The following TAFA1 variants were observed in gnomAD, a reference collection of about 807,000 sequenced individuals.
TAFA1 encodes TAFA chemokine like family member 1, also known as chemokine-like protein TAFA-1.
In TAFA1, 4 loss-of-function variants were observed where a neutral mutation model predicts 18.5. The observed-to-expected ratio is 0.22, with a 90% CI of 0.11 to 0.49. The LOEUF (loss-of-function observed/expected upper bound fraction) is 0.49. TAFA1 is among the 20% of genes least tolerant of loss of function. The probability of loss-of-function intolerance (pLI) is 0.98; values close to 1 mark genes in which losing one functional copy is unlikely to be tolerated. For synonymous variants in TAFA1, 56 were observed against 55.2 expected, an observed-to-expected ratio of 1.01 and a Z score of -0.06; for missense variants, 147 against 169.0, an observed-to-expected ratio of 0.87 and a Z score of 0.72.
At chr3:68,330,674 G>A (rs2068851394) in intron 2 of TAFA1, among the ~76,000 whole-genome samples, 1 of 152,184 alleles carries the variant, frequency 6.6e-6, no homozygotes, top group Non-Finnish European at 1.5e-5. Context: ...CACATAACTA[G>A]TAGGTGGTAG....
intron 2 of TAFA1, among the ~76,000 whole-genome samples, chr3:68,339,925 A>T (rs1350562845): frequency 3.9e-5 from 6 of 152,202 alleles, no homozygotes; most frequent in Admixed American, 3.3e-4. Context: ...AGCTCACAAA[A>T]TGCAGCTATG....
rs79651157 is a variant in TAFA1 at position 68,110,221 on chromosome 3, C to T, written c.118+103477C>T. On this transcript the variant is annotated intron_variant, in intron 2 of 4. Coordinates refer to ENST00000478136, the MANE Select transcript of TAFA1 (RefSeq NM_213609.4). ...TTCAGCTCCCACTTAAGTGACAACA[C>T]GTGGTGTTTGTTTTTCTATTCCTGT... Among the ~76,000 whole-genome samples, 999 of 152,248 alleles carry T rather than the reference C, an allele frequency of 6.6e-3. 8 individuals are homozygous for T. Among genetic ancestry groups the T allele is most frequent in the African/African-American group, 0.023 (947 of 41,542 alleles).
intron 2 of TAFA1, among the ~76,000 whole-genome samples, chr3:68,257,814 C>A (rs1448720718): frequency 2.0e-5 from 3 of 151,994 alleles, no homozygotes; most frequent in Admixed American, 2.0e-4. Context: ...AACTTGGAAG[C>A]CATTATCTTA....
chr3:68,257,795 C>G (rs1280177941), intron 2 of TAFA1, among the ~76,000 whole-genome samples: 1 of 152,094 alleles, frequency 6.6e-6, no homozygotes, highest in African/African-American at 2.4e-5. Flanking sequence ...AGTAACCTCA[C>G]AGTGGATAAA....
chr3:68,127,527 C>T (rs930759940), intron 2 of TAFA1, among the ~76,000 whole-genome samples: 44 of 79,638 alleles, frequency 5.5e-4, no homozygotes, highest in Middle Eastern at 5.9e-3. Context: ...AAACATGGCA[C>T]GGCTGCTGCT....
At position 68,368,277 on chromosome 3, in the gene TAFA1, G is replaced by C. The variant is rs78395806; in HGVS notation, c.119-49003G>C. ...AAATAAACCCAATACATTAATGTTA[G>C]ATTAATATATGTTTTCTCTGGTTAG... On this transcript the variant is annotated intron_variant, in intron 2 of 4. Coordinates refer to ENST00000478136, the MANE Select transcript of TAFA1 (RefSeq NM_213609.4). Among the ~76,000 whole-genome samples, 352 of 152,294 alleles carry C rather than the reference G, an allele frequency of 2.3e-3. 5 individuals are homozygous for C. Among genetic ancestry groups the C allele is most frequent in the African/African-American group, 8.1e-3 (337 of 41,570 alleles).
At chr3:68,141,336 T>C (rs1206947111) in intron 2 of TAFA1, among the ~76,000 whole-genome samples, 1 of 152,170 alleles carries the variant, frequency 6.6e-6, no homozygotes, top group African/African-American at 2.4e-5. Flanking sequence ...CATAATATAC[T>C]CACAGTTCCA....
intron 2 of TAFA1, among the ~76,000 whole-genome samples, chr3:68,061,141 C>G (rs545179431): frequency 6.6e-6 from 1 of 152,124 alleles, no homozygotes; most frequent in Admixed American, 6.5e-5. Flanking sequence ...GAAACTTCCC[C>G]GTGGAAAGCT....
chr3:67,994,423 A>G, the TAFA1 span, among the ~76,000 whole-genome samples: 18 of 152,300 alleles, frequency 1.2e-4, no homozygotes, highest in South Asian at 2.5e-3. Flanking sequence ...TAAATTATCT[A>G]TAGGATAATC....
At chr3:68,041,794 T>G (rs939826008) in intron 2 of TAFA1, among the ~76,000 whole-genome samples, 4 of 152,158 alleles carry the variant, frequency 2.6e-5, no homozygotes, top group Non-Finnish European at 5.9e-5. Context: ...CAGTAAAAGA[T>G]AAAATTTGGG....
At chr3:68,015,591 T>C (rs932160091) in intron 2 of TAFA1, among the ~76,000 whole-genome samples, 1 of 152,186 alleles carries the variant, frequency 6.6e-6, no homozygotes, top group African/African-American at 2.4e-5. Flanking sequence ...CCCAGCCTAA[T>C]TTTCTTCTTG....
chr3:68,387,790 C>T (rs1337694524), intron 2 of TAFA1, among the ~76,000 whole-genome samples: 2 of 152,052 alleles, frequency 1.3e-5, no homozygotes, highest in South Asian at 2.1e-4. Context: ...TGTTTTTCCC[C>T]CTTCATGGTG....
intron 2 of TAFA1, among the ~76,000 whole-genome samples, chr3:68,115,005 A>G (rs1360414430): frequency 6.6e-6 from 1 of 152,224 alleles, no homozygotes; most frequent in Non-Finnish European, 1.5e-5. Flanking sequence ...AAAATAAACA[A>G]TAACATAATT....
intron 2 of TAFA1, among the ~76,000 whole-genome samples, chr3:68,256,519 G>T (rs2067300077): frequency 6.6e-6 from 1 of 152,088 alleles, no homozygotes; most frequent in African/African-American, 2.4e-5. Context: ...GCTTGATCCA[G>T]GATGTTACTC....
chr3:68,232,214 C>G (rs997426505), intron 2 of TAFA1, among the ~76,000 whole-genome samples: 14 of 152,170 alleles, frequency 9.2e-5, no homozygotes, highest in Non-Finnish European at 8.8e-5. Context: ...CCCTATCCTC[C>G]TCTCCCTGCT....
intron 2 of TAFA1, among the ~76,000 whole-genome samples, chr3:68,163,353 A>G (rs1335295489): frequency 1.3e-5 from 2 of 152,174 alleles, no homozygotes; most frequent in Non-Finnish European, 2.9e-5. Flanking sequence ...CCTTTGGCCA[A>G]TACTTGCTGT....
intron 2 of TAFA1, among the ~76,000 whole-genome samples, chr3:68,259,834 T>G (rs1164430133): frequency 1.3e-5 from 2 of 152,138 alleles, no homozygotes; most frequent in East Asian, 1.9e-4. Context: ...AAGGAGATTT[T>G]GGGCTGAGAC....
chr3:68,224,747 C>T (rs2066774815), intron 2 of TAFA1, among the ~76,000 whole-genome samples: 1 of 151,936 alleles, frequency 6.6e-6, no homozygotes, highest in East Asian at 1.9e-4. Context: ...CAAACAACTT[C>T]TAAAATACTT....
At chr3:67,991,866 A>G in the TAFA1 span, among the ~76,000 whole-genome samples, 2 of 152,180 alleles carry the variant, frequency 1.3e-5, no homozygotes. Context: ...CTATACCTAT[A>G]TCTATATCAT....
Sources: allele counts gnomAD v4.1 joint callset (sites outside exome capture counted in the v4.1 genomes callset), GRCh38; gene constraint gnomAD v4.1.1; transcripts MANE v1.5; gene names NCBI Gene and HGNC (gene_info 2026-07-23, HGNC 2026-07-21).